TENM3: variants seen among roughly 807,000 people sequenced by gnomAD.
TENM3 encodes the protein teneurin-3.
In TENM3, 63 loss-of-function variants were observed where a neutral mutation model predicts 255.1. The ratio of observed to expected loss-of-function variants is 0.25; its 90% CI spans 0.20 to 0.30. TENM3 has a LOEUF of 0.30. TENM3 is among the 10% of genes least tolerant of loss of function. The probability of loss-of-function intolerance (pLI) is 1.00; values close to 1 mark genes in which losing one functional copy is unlikely to be tolerated. For missense variants in TENM3, 2,929 were observed against 3,461.1 expected (o/e 0.85, Z 3.86); for synonymous variants, 1,306 against 1,322.3 (o/e 0.99, Z 0.27).
the TENM3 span, among the ~76,000 whole-genome samples, chr4:181,972,019 T>A: frequency 1.4e-4 from 14 of 103,492 alleles, no homozygotes; most frequent in African/African-American, 6.4e-4. Flanking sequence ...GCAAACTGCA[T>A]CAGTTTTTTT....
chr4:181,698,050 T>G, the TENM3 span, among the ~76,000 whole-genome samples: 1 of 151,814 alleles, frequency 6.6e-6, no homozygotes, highest in Non-Finnish European at 1.5e-5. Flanking sequence ...CTGTCTCTAC[T>G]AAAAATACAA....
the TENM3 span, among the ~76,000 whole-genome samples, chr4:181,650,875 C>G: frequency 6.6e-6 from 1 of 152,152 alleles, no homozygotes; most frequent in African/African-American, 2.4e-5. Flanking sequence ...TTTATCTTCC[C>G]TTTGAGTCCT....
chr4:182,475,409 T>G (rs1327073070), intron 3 of TENM3, among the ~76,000 whole-genome samples: 1 of 15,010 alleles, frequency 6.7e-5, no homozygotes, highest in Non-Finnish European at 1.5e-4. Flanking sequence ...ACTGATCAAT[T>G]TTTTTTTTTC....
chr4:181,641,556 A>ATATG, the TENM3 span, among the ~76,000 whole-genome samples: 1 of 23,990 alleles, frequency 4.2e-5, no homozygotes, highest in Non-Finnish European at 7.9e-5. Flanking sequence ...GTGTGTGTGT[A>ATATG]TATATATATA....
the TENM3 span, among the ~76,000 whole-genome samples, chr4:181,658,627 C>T: frequency 5.3e-5 from 8 of 152,174 alleles, no homozygotes; most frequent in South Asian, 1.7e-3. Flanking sequence ...TACATTGATT[C>T]TCTAGCTTCC....
chr4:182,187,282 A>C (rs1056069029), intron 1 of TENM3, among the ~76,000 whole-genome samples: 1 of 152,190 alleles, frequency 6.6e-6, no homozygotes, highest in African/African-American at 2.4e-5. Context: ...TGTATTTGGC[A>C]AATAATTATA....
chr4:181,663,147 T>C, the TENM3 span, among the ~76,000 whole-genome samples: 1 of 152,202 alleles, frequency 6.6e-6, no homozygotes, highest in Non-Finnish European at 1.5e-5. Flanking sequence ...CACTGGTCAC[T>C]CATCACCTAG....
chr4:182,129,225 T>C, the TENM3 span, among the ~76,000 whole-genome samples: 3 of 152,234 alleles, frequency 2.0e-5, no homozygotes, highest in African/African-American at 7.2e-5. Flanking sequence ...TAGATTGTGT[T>C]AAGTATAAAT....
At chr4:181,668,491 G>C in the TENM3 span, among the ~76,000 whole-genome samples, 1 of 152,146 alleles carries the variant, frequency 6.6e-6, no homozygotes, top group Non-Finnish European at 1.5e-5. Flanking sequence ...TGCTGGGGAA[G>C]CTGCTGCTAC....
the TENM3 span, among the ~76,000 whole-genome samples, chr4:181,449,643 C>T: frequency 2.0e-5 from 3 of 151,924 alleles, 1 homozygote; most frequent in South Asian, 4.1e-4. Context: ...AAAATTTACC[C>T]GGGCATGGTG....
chr4:182,743,560 T>C (rs1313951141), intron 19 of TENM3, 141 bp downstream of exon 19: 1 of 930,166 alleles, frequency 1.1e-6, no homozygotes, highest in East Asian at 2.6e-5. Context: ...AGTCAAATTC[T>C]TGCTTAAAGT....
chr4:181,605,311 C>A, the TENM3 span, among the ~76,000 whole-genome samples: 1 of 151,228 alleles, frequency 6.6e-6, no homozygotes, highest in African/African-American at 2.4e-5. Context: ...AAGAATTAGC[C>A]GGGTGTGCCT....
the TENM3 span, among the ~76,000 whole-genome samples, chr4:182,087,309 G>T: frequency 6.6e-6 from 1 of 152,196 alleles, no homozygotes; most frequent in Non-Finnish European, 1.5e-5. Flanking sequence ...TTCAGGGTTA[G>T]TGTGGGCCAA....
At position 182,796,707 on chromosome 4, in the gene TENM3, A is replaced by T; in HGVS notation, c.7284A>T (p.Lys2428Asn). Residue 2428 changes from lysine to asparagine, a missense_variant, in exon 27 of 28, where the codon AAA becomes AAT. By Grantham distance (94) the Lys-to-Asn change is moderately conservative. Transcript: ENST00000511685. ...CTATTCCTGGATTCCCTGTTCCCAA[A>T]TTTGATTTAACAGAACCTTCTTACG... ...HNAIPGFPVP[K>N]FDLTEPSYEL... The T allele has an allele frequency of 6.2e-7, 1 of 1,612,928 alleles. No individual in the cohort carries two copies. The highest frequency in any genetic ancestry group is 8.5e-7 in the Non-Finnish European group (1 of 1,179,392).
intron 3 of TENM3, among the ~76,000 whole-genome samples, chr4:182,550,363 A>G (rs1741876497): frequency 6.6e-6 from 1 of 152,210 alleles, no homozygotes; most frequent in African/African-American, 2.4e-5. Context: ...ATAATTACAT[A>G]TATTGGTTCA....
the TENM3 span, among the ~76,000 whole-genome samples, chr4:181,701,031 G>T: frequency 6.6e-6 from 1 of 152,070 alleles, no homozygotes; most frequent in African/African-American, 2.4e-5. Context: ...GGTGAAAGTG[G>T]TGTCATTCTA....
intron 3 of TENM3, among the ~76,000 whole-genome samples, chr4:182,506,639 TG>T (rs2151689172): frequency 6.6e-6 from 1 of 152,346 alleles, no homozygotes; most frequent in African/African-American, 2.4e-5. Context: ...CTGGTTGGGA[TG>T]TAACATAAGT....
At chr4:181,520,027 T>TG in the TENM3 span, among the ~76,000 whole-genome samples, 1 of 152,364 alleles carries the variant, frequency 6.6e-6, no homozygotes, top group East Asian at 1.9e-4. Flanking sequence ...AACTCAGGCC[T>TG]GTGAGGCCGC....
chr4:182,161,852 A>ATATGTGTGT (rs1561153937), intron 1 of TENM3, among the ~76,000 whole-genome samples: 3 of 8,476 alleles, frequency 3.5e-4, no homozygotes, highest in African/African-American at 8.5e-4. Flanking sequence ...TATATACACA[A>ATATGTGTGT]ATATATATGT....
Sources: gnomAD v4.1 joint callset for allele counts (sites outside exome capture counted in the v4.1 genomes callset) on GRCh38, gnomAD v4.1.1 for gene constraint, MANE v1.5 for transcripts, NCBI Gene and HGNC (gene_info 2026-07-23, HGNC 2026-07-21) for gene names.